Variants in ANKRD18A observed in about 807,000 individuals in gnomAD.
ANKRD18A encodes the protein ankyrin repeat domain-containing protein 18A.
ANKRD18A carries 72 observed loss-of-function variants against 110.6 expected under a neutral mutation model. That is an observed-to-expected ratio of 0.65 (90% CI 0.54 to 0.79). ANKRD18A has a LOEUF of 0.79. Among genes scored for constraint, ANKRD18A ranks in the 30% least tolerant of loss-of-function variants. The pLI is 0.00. For missense variants in ANKRD18A, 934 were observed against 1,163.3 expected, an observed-to-expected ratio of 0.80 and a Z score of 2.87; for synonymous variants, 305 against 410.3, an observed-to-expected ratio of 0.74 and a Z score of 3.10.
chr9:38,586,047 A>G (rs1824365620), intron 12 of ANKRD18A, 136 bp downstream of exon 12: 4 of 959,600 alleles, frequency 4.2e-6, no homozygotes, highest in Non-Finnish European at 6.0e-6. Context: ...GCTAATGCCT[A>G]CGGGGCTTAA....
chr9:38,582,788 A>T (rs1178856134), intron 12 of ANKRD18A, among the ~76,000 whole-genome samples: 1 of 152,240 alleles, frequency 6.6e-6, no homozygotes, highest in Non-Finnish European at 1.5e-5. Flanking sequence ...GTGTTTTCTT[A>T]GCTATGACTC....
chr9:38,603,073 G>C (rs1430259195), intron 7 of ANKRD18A, 86 bp downstream of exon 7: 146 of 1,507,478 alleles, frequency 9.7e-5, no homozygotes, highest in Non-Finnish European at 1.3e-4. Flanking sequence ...TTGTGACAAG[G>C]AAACTATACC....
intron 10 of ANKRD18A, 44 bp downstream of exon 10, chr9:38,593,716 A>G (rs1480469016): frequency 2.8e-6 from 4 of 1,432,594 alleles, no homozygotes; most frequent in Middle Eastern, 1.8e-4. Flanking sequence ...ATATTATTCA[A>G]CCAGCTACAG....
At chr9:38,614,234 T>G (rs1244564176) in intron 3 of ANKRD18A, among the ~76,000 whole-genome samples, 1,927 of 137,004 alleles carry the variant, frequency 0.014, 40 homozygotes, top group African/African-American at 0.057. Flanking sequence ...TTTTTTTTTT[T>G]TTTTTTTTTG....
chr9:38,581,725 T>C (rs1824174669), intron 12 of ANKRD18A, among the ~76,000 whole-genome samples: 1 of 152,218 alleles, frequency 6.6e-6, no homozygotes. Context: ...ATCTCTGTAT[T>C]ATACCGCAAT....
Position 38,577,234 on chromosome 9 carries a change from G to C in ANKRD18A, c.2560C>G (p.Gln854Glu). 1 of 1,534,380 alleles carries C rather than the reference G, an allele frequency of 6.5e-7. No homozygotes were observed. Among genetic ancestry groups the C allele is most frequent in the South Asian group, 1.3e-5 (1 of 79,514 alleles). Residue 854 changes from glutamine to glutamate, a missense_variant, in exon 14 of 16, where the codon CAG becomes GAG. Physicochemically the swap from Gln to Glu is conservative, Grantham distance 29 (BLOSUM62 2). This residue lies in a region of ANKRD18A where 223 missense variants were observed against 226.7 expected (regional missense o/e 0.98). Coordinates refer to ENST00000399703, the MANE Select transcript of ANKRD18A (RefSeq NM_147195.4). ...KQAEYEKQLEQLNKDNTASLK... is the reference protein window; with the variant it reads ...KQAEYEKQLEELNKDNTASLK... ...GAAGCCGTATTATCCTTGTTTAACT[G>C]CTCTAATTGTTTTTCATATTCTGCT... is the stretch of plus-strand genomic sequence containing the variant.
intron 3 of ANKRD18A, among the ~76,000 whole-genome samples, chr9:38,612,865 T>G (rs1052305620): frequency 2.0e-5 from 3 of 151,964 alleles, no homozygotes; most frequent in African/African-American, 7.3e-5. Flanking sequence ...ATATAATGTC[T>G]GCAATATTCA....
chr9:38,612,898 G>T (rs1037684835), intron 3 of ANKRD18A, among the ~76,000 whole-genome samples: 6 of 151,474 alleles, frequency 4.0e-5, no homozygotes, highest in Admixed American at 6.6e-5. Context: ...TTCTCAGCAG[G>T]AATAACCTAA....
intron 10 of ANKRD18A, among the ~76,000 whole-genome samples, chr9:38,591,363 C>A (rs1188884281): frequency 6.6e-6 from 1 of 152,170 alleles, no homozygotes; most frequent in Non-Finnish European, 1.5e-5. Context: ...GCCGTGCGAC[C>A]TTGAGCAAAT....
intron 6 of ANKRD18A, among the ~76,000 whole-genome samples, chr9:38,607,219 G>A (rs1825401188): frequency 6.6e-6 from 1 of 152,104 alleles, no homozygotes; most frequent in South Asian, 2.1e-4. Flanking sequence ...ATGATGCCCA[G>A]CTAATTTTTG....
At chr9:38,615,879 A>G (rs1383130985) in intron 2 of ANKRD18A, 51 bp downstream of exon 2, 18 of 1,523,830 alleles carry the variant, frequency 1.2e-5, no homozygotes, top group Non-Finnish European at 1.5e-5. Context: ...TTTTAATTCT[A>G]TGTATTTAAA....
chr9:38,567,412 T>G (rs964881783), downstream of ANKRD18A: 8 of 152,392 alleles, frequency 5.2e-5, no homozygotes, highest in Admixed American at 3.9e-4. Flanking sequence ...AATTCCTGGG[T>G]GACCTTTTGA....
chr9:38,582,101 G>T (rs1824190439), intron 12 of ANKRD18A, among the ~76,000 whole-genome samples: 1 of 151,882 alleles, frequency 6.6e-6, no homozygotes, highest in Admixed American at 6.6e-5. Flanking sequence ...AAAGCTGGCA[G>T]CTCAGACTTA....
At chr9:38,598,730 G>A (rs1207720978) in intron 8 of ANKRD18A, among the ~76,000 whole-genome samples, 5 of 152,140 alleles carry the variant, frequency 3.3e-5, no homozygotes, top group Non-Finnish European at 7.4e-5. Flanking sequence ...TCATATGTGG[G>A]TCCCTGAAAC....
intron 8 of ANKRD18A, among the ~76,000 whole-genome samples, chr9:38,597,209 G>C (rs889575006): frequency 5.3e-5 from 8 of 152,302 alleles, no homozygotes; most frequent in Admixed American, 5.2e-4. Flanking sequence ...ATGTGACCTT[G>C]TGGGGCTTCA....
intron 12 of ANKRD18A, among the ~76,000 whole-genome samples, chr9:38,583,036 T>C (rs2118693339): frequency 6.6e-6 from 1 of 152,372 alleles, no homozygotes; most frequent in Non-Finnish European, 1.5e-5. Context: ...AAAGAAGATA[T>C]AAAGACGGAT....
chr9:38,615,798 A>T (rs1202821544), intron 2 of ANKRD18A, 31 bp from the exon 3 acceptor site: 1 of 1,591,398 alleles, frequency 6.3e-7, no homozygotes. Context: ...ACTAGACTAT[A>T]AATTCTAAGA....
At chr9:38,605,345 T>C (rs1825304990) in intron 6 of ANKRD18A, among the ~76,000 whole-genome samples, 1 of 152,214 alleles carries the variant, frequency 6.6e-6, no homozygotes, top group Non-Finnish European at 1.5e-5. Flanking sequence ...AAAAATTAAA[T>C]AGTTATCTAT....
At chr9:38,603,867 C>A (rs1446310543) in intron 6 of ANKRD18A, among the ~76,000 whole-genome samples, 2 of 152,216 alleles carry the variant, frequency 1.3e-5, no homozygotes, top group African/African-American at 4.8e-5. Context: ...AATCACAAAT[C>A]TATGTGGATA....
Sources: gnomAD v4.1 joint callset for allele counts (sites outside exome capture counted in the v4.1 genomes callset) on GRCh38, gnomAD v4.1.1 for gene constraint, gnomAD v4.1.1 regional missense constraint, MANE v1.5 for transcripts, NCBI Gene and HGNC (gene_info 2026-07-23, HGNC 2026-07-21) for gene names.